Variants in ACTR2 observed in about 807,000 individuals in gnomAD.
ACTR2 encodes actin-related protein 2.
A neutral mutation model predicts 50.2 loss-of-function variants in ACTR2; 5 were observed. The ratio of observed to expected loss-of-function variants is 0.10; its 90% confidence interval spans 0.05 to 0.21. The LOEUF (loss-of-function observed/expected upper bound fraction) is 0.21. Among genes scored for constraint, ACTR2 ranks in the 10% least tolerant of loss-of-function variants. The probability of loss-of-function intolerance (pLI) is 1.00; values close to 1 mark genes in which losing one functional copy is unlikely to be tolerated. For synonymous variants in ACTR2, 140 were observed against 162.9 expected (o/e 0.86, Z 1.07); for missense variants, 180 against 480.6 (o/e 0.37, Z 5.85).
intron 7 of ACTR2, 70 bp from the exon 8 acceptor site, chr2:65,264,973 G>T (rs1386606074): frequency 6.4e-7 from 1 of 1,565,504 alleles, no homozygotes; most frequent in African/African-American, 1.4e-5. Context: ...GCTGACATAA[G>T]TAACAGTAAC....
chr2:65,251,016 T>G lies in ACTR2; in HGVS notation c.376-11T>G, dbSNP rs1672038841. The G allele has an allele frequency of 2.9e-5, 46 of 1,580,776 alleles. No homozygotes were observed. The highest frequency in any genetic ancestry group is 3.9e-5 in the Non-Finnish European group (45 of 1,164,668). On this transcript the variant is annotated splice_polypyrimidine_tract_variant and intron_variant, in intron 3 of 8. Transcript: ENST00000260641. ...AAATACCAGTTTTTTTCTTTCTGTCTGCATTTACAGGTAATGTTTGAAACT... is the reference window on the plus strand; with the variant it reads ...AAATACCAGTTTTTTTCTTTCTGTCGGCATTTACAGGTAATGTTTGAAACT...
At position 65,269,628 on chromosome 2, in the gene ACTR2, G is replaced by A. The variant is rs1051276431; in HGVS notation, c.*894G>A. ...GATTTAAAAGAGCTTAAGATCTGGT[G>A]TTTTGTTAATGCTTCTGTTTATTCC... On this transcript the variant is annotated 3_prime_UTR_variant, in exon 9 of 9. Coordinates refer to ENST00000260641, the MANE Select transcript of ACTR2 (RefSeq NM_005722.4). 1.3e-5 allele frequency: 2 copies of A among 152,194 alleles called. No individual in the cohort carries two copies. The highest frequency in any genetic ancestry group is 4.8e-5 in the African/African-American group (2 of 41,450). 9.4% of individuals were successfully genotyped at this position (152,194 alleles called of 1,614,324 possible).
chr2:65,228,084 C>G, intron 1 of ACTR2, 127 bp downstream of exon 1: 1 of 845,300 alleles, frequency 1.2e-6, no homozygotes, highest in Non-Finnish European at 1.6e-6. Context: ...GGGGCGGTGC[C>G]TCCCACCTCC....
chr2:65,257,635 C>T lies in ACTR2; in HGVS notation c.735+1941C>T, dbSNP rs149071345. Among the ~76,000 whole-genome samples the T allele has an allele frequency of 3.7e-4, 57 of 152,300 alleles. 2 individuals are homozygous for T. The East Asian group carries it at 5.6e-3, about 15-fold the overall frequency. On this transcript the variant is annotated intron_variant, in intron 6 of 8. Coordinates refer to ENST00000260641, the MANE Select transcript of ACTR2 (RefSeq NM_005722.4). ...TGTTGTTTCCTGACTTTTTAAGGAT[C>T]GCCATTCTAACTGGCATGAGATTTT...
intron 2 of ACTR2, chr2:65,242,018 T>C (rs1402742460): frequency 6.2e-7 from 1 of 1,606,308 alleles, no homozygotes; most frequent in Non-Finnish European, 8.5e-7. Flanking sequence ...CTACCTTCTC[T>C]CTCTTCACCT....
At chr2:65,248,139 G>A (rs900185918) in intron 3 of ACTR2, among the ~76,000 whole-genome samples, 2 of 152,182 alleles carry the variant, frequency 1.3e-5, no homozygotes, top group Non-Finnish European at 2.9e-5. Flanking sequence ...GGTGGTTCAG[G>A]CCTGTAATCC....
At chr2:65,245,623 T>A (rs922682143) in intron 2 of ACTR2, among the ~76,000 whole-genome samples, 8 of 152,236 alleles carry the variant, frequency 5.3e-5, no homozygotes, top group South Asian at 2.1e-4. Context: ...CTAGTTTTTT[T>A]AATTGAATTT....
chr2:65,252,338 C>T (rs1348722523), intron 4 of ACTR2, among the ~76,000 whole-genome samples: 3 of 151,856 alleles, frequency 2.0e-5, no homozygotes, highest in African/African-American at 7.3e-5. Context: ...ATTATATCCA[C>T]TTAAAAAGGA....
intron 1 of ACTR2, 130 bp downstream of exon 1, chr2:65,228,087 C>T: frequency 1.2e-6 from 1 of 829,210 alleles, no homozygotes; most frequent in Non-Finnish European, 1.7e-6. Flanking sequence ...GCGGTGCCTC[C>T]CACCTCCGCG....
At chr2:65,230,513 G>A (rs891067995) in intron 1 of ACTR2, among the ~76,000 whole-genome samples, 2 of 149,652 alleles carry the variant, frequency 1.3e-5, no homozygotes, top group African/African-American at 4.9e-5. Context: ...CTGGGCTCAA[G>A]CGGTTCTCCT....
chr2:65,259,216 G>C (rs1258162743), intron 6 of ACTR2, among the ~76,000 whole-genome samples: 1 of 151,948 alleles, frequency 6.6e-6, no homozygotes, highest in African/African-American at 2.4e-5. Context: ...TTGAGCCCAG[G>C]AGTTCAAGAC....
rs755913213 is a variant in ACTR2, at chr2:65,270,391, A to G, written c.*1657A>G. The G allele has an allele frequency of 2.8e-4, 42 of 152,602 alleles. No individual in the cohort carries two copies. Among genetic ancestry groups the G allele is most frequent in the South Asian group, 8.3e-4 (4 of 4,828 alleles). The allele number at this position is 152,602 out of a possible 1,614,324, so 9.5% of individuals were successfully genotyped here. A position where few individuals can be genotyped will look rare whatever the true frequency, so the allele number is the denominator to read the frequency against. On this transcript the variant is annotated 3_prime_UTR_variant, in exon 9 of 9. Coordinates refer to ENST00000260641, the MANE Select transcript of ACTR2 (RefSeq NM_005722.4). ...AGTGTTTTTTGTCTGTTTTACCTCA[A>G]TTTGAACAGATAAGTTTGCCTGCAT...
At chr2:65,236,547 G>T (rs1222470440) in intron 1 of ACTR2, among the ~76,000 whole-genome samples, 1 of 151,832 alleles carries the variant, frequency 6.6e-6, no homozygotes, top group East Asian at 1.9e-4. Flanking sequence ...GCTTTCTTTT[G>T]TTGTTGGTTT....
At chr2:65,252,042 AAG>A (rs891764924) in intron 4 of ACTR2, among the ~76,000 whole-genome samples, 3 of 152,102 alleles carry the variant, frequency 2.0e-5, no homozygotes, top group Non-Finnish European at 4.4e-5. Context: ...CCAGTGGGAA[AAG>A]AGTGTGGCAC....
intron 1 of ACTR2, among the ~76,000 whole-genome samples, chr2:65,231,301 CAG>C (rs1227620280): frequency 6.6e-6 from 1 of 152,140 alleles, no homozygotes; most frequent in Non-Finnish European, 1.5e-5. Context: ...AATCATATAA[CAG>C]GAATGCTGTA....
intron 1 of ACTR2, among the ~76,000 whole-genome samples, chr2:65,234,209 G>C (rs961692711): frequency 7.2e-5 from 11 of 152,258 alleles, no homozygotes; most frequent in African/African-American, 2.6e-4. Flanking sequence ...ACCATTCCCA[G>C]CCAATTATTT....
At chr2:65,254,888 C>T (rs1229523038) in intron 5 of ACTR2, among the ~76,000 whole-genome samples, 2 of 152,002 alleles carry the variant, frequency 1.3e-5, no homozygotes, top group Admixed American at 6.6e-5. Flanking sequence ...CAAAGCGTAA[C>T]TAACAGAATT....
At position 65,246,602 on chromosome 2, in the gene ACTR2, C is replaced by A; in HGVS notation, c.238C>A (p.Arg80=). ...CTACCCTATGGAAAATGGCATAGTA[C>A]GAAATTGGGATGACATGAAACACCT... ...VNYPMENGIV[R]NWDDMKHLWD... Residue 80 remains arginine, a synonymous_variant, in exon 3 of 9, where the codon CGA becomes AGA. Coordinates refer to ENST00000260641, the MANE Select transcript of ACTR2 (RefSeq NM_005722.4). 6.2e-7 allele frequency: 1 copy of A among 1,613,094 alleles called. No homozygotes were observed.
intron 4 of ACTR2, among the ~76,000 whole-genome samples, 170 bp from the exon 5 acceptor site, chr2:65,253,558 A>G (rs1672093646): frequency 6.6e-6 from 1 of 152,002 alleles, no homozygotes. Context: ...AAAAGAGAAC[A>G]CTCGCTTTAA....
Sources: gnomAD v4.1 joint callset for allele counts (sites outside exome capture counted in the v4.1 genomes callset) on GRCh38, gnomAD v4.1.1 for gene constraint, MANE v1.5 for transcripts, NCBI Gene and HGNC (gene_info 2026-07-23, HGNC 2026-07-21) for gene names.